Variants in SORCS3 observed in about 807,000 individuals in gnomAD.
SORCS3 encodes sortilin related VPS10 domain containing receptor 3, also known as VPS10 domain-containing receptor SorCS3.
SORCS3 carries 57 observed loss-of-function variants against 146.3 expected under a neutral mutation model. The observed-to-expected ratio is 0.39, with a 90% CI of 0.31 to 0.49. The LOEUF (loss-of-function observed/expected upper bound fraction) is 0.49. SORCS3 is among the 20% of genes least tolerant of loss of function. The pLI, the probability that SORCS3 is intolerant of heterozygous loss-of-function variation, is 0.92. For synonymous variants in SORCS3, 653 were observed against 618.5 expected, an observed-to-expected ratio of 1.06 and a Z score of -0.83; for missense variants, 1,341 against 1,575.5, an observed-to-expected ratio of 0.85 and a Z score of 2.52.
intron 1 of SORCS3, among the ~76,000 whole-genome samples, chr10:104,698,238 C>G (rs1238036223): frequency 6.6e-6 from 1 of 152,120 alleles, no homozygotes; most frequent in Non-Finnish European, 1.5e-5. Flanking sequence ...ATCTGAGAGT[C>G]TGAGTTTAGT....
intron 1 of SORCS3, among the ~76,000 whole-genome samples, chr10:104,816,293 A>G (rs2017797279): frequency 6.6e-6 from 1 of 152,218 alleles, no homozygotes; most frequent in African/African-American, 2.4e-5. Flanking sequence ...GGCATTTCAG[A>G]AATGAGTTAA....
intron 5 of SORCS3, among the ~76,000 whole-genome samples, chr10:105,077,992 T>C (rs994684340): frequency 1.3e-5 from 2 of 152,214 alleles, no homozygotes; most frequent in Non-Finnish European, 2.9e-5. Context: ...TTGAGCTGGA[T>C]GAGATCCCTG....
chr10:104,697,042 A>G (rs574680568), intron 1 of SORCS3, among the ~76,000 whole-genome samples: 7 of 151,898 alleles, frequency 4.6e-5, no homozygotes, highest in African/African-American at 1.2e-4. Flanking sequence ...CTGGGGATCT[A>G]ATGTCCAGCA....
chr10:104,977,552 A>G lies in SORCS3; in HGVS notation c.954+59A>G. ...ATCCAGGTACCACCATGTGAAAATC[A>G]CTTGCTTGCTTAATCCACATTTTGG... On this transcript the variant is annotated intron_variant, in intron 4 of 26. Transcript: ENST00000369701. 2.7e-6 allele frequency: 4 copies of G among 1,471,202 alleles called. No homozygotes were observed. The South Asian group carries it at 5.3e-5, about 20-fold the overall frequency. 91.1% of individuals were successfully genotyped at this position (1,471,202 alleles called of 1,614,324 possible).
At chr10:104,742,358 G>A (rs969214424) in intron 1 of SORCS3, among the ~76,000 whole-genome samples, 31 of 152,226 alleles carry the variant, frequency 2.0e-4, no homozygotes, top group Non-Finnish European at 4.3e-4. Flanking sequence ...TGTGCTGTGT[G>A]GAAGCCAGCG....
chr10:104,780,671 C>T (rs920266062), intron 1 of SORCS3, among the ~76,000 whole-genome samples: 24 of 152,204 alleles, frequency 1.6e-4, no homozygotes, highest in African/African-American at 5.1e-4. Flanking sequence ...GAGATAAGGA[C>T]CATTTCTGCT....
At chr10:105,199,067 G>C (rs1218350086) in intron 14 of SORCS3, among the ~76,000 whole-genome samples, 1 of 152,114 alleles carries the variant, frequency 6.6e-6, no homozygotes, top group African/African-American at 2.4e-5. Context: ...AGGGCTGGTA[G>C]TGTGATTAAG....
In SORCS3 at chr10:105,252,872, A is replaced by C; in HGVS notation, c.3203A>C (p.Glu1068Ala). The C allele has an allele frequency of 6.2e-7, 1 of 1,613,850 alleles. No individual in the cohort carries two copies. Among genetic ancestry groups the C allele is most frequent in the Non-Finnish European group, 8.5e-7 (1 of 1,179,894 alleles). The part of the protein sequence containing the change: ...LFILPPKNLT[E>A]RRKGNEGDLE... ...ATTCTTCCACCCAAGAACCTGACAGAGAGGAGGAAAGGCAATGAAGGGGAC... is the reference window on the plus strand; with the variant it reads ...ATTCTTCCACCCAAGAACCTGACAGCGAGGAGGAAAGGCAATGAAGGGGAC... The change falls in exon 23 of 27, where the codon GAG (glutamate) becomes GCG (alanine). Residue 1068 changes from glutamate to alanine, a missense_variant. Physicochemically the swap from Glu to Ala is moderately radical, Grantham distance 107. Coordinates refer to ENST00000369701, the MANE Select transcript of SORCS3 (RefSeq NM_014978.3).
chr10:104,750,175 G>T (rs1468695867), intron 1 of SORCS3, among the ~76,000 whole-genome samples: 2 of 152,044 alleles, frequency 1.3e-5, no homozygotes, highest in East Asian at 3.9e-4. Context: ...TTATAGAAGG[G>T]GCTACTAAGA....
chr10:105,199,251 A>G (rs2056560999), intron 14 of SORCS3, among the ~76,000 whole-genome samples: 2 of 151,328 alleles, frequency 1.3e-5, no homozygotes, highest in Non-Finnish European at 2.9e-5. Context: ...CCATTTTTCT[A>G]GAAACAATTG....
chr10:105,014,469 T>G (rs2055153761), intron 4 of SORCS3, among the ~76,000 whole-genome samples: 1 of 152,146 alleles, frequency 6.6e-6, no homozygotes, highest in Non-Finnish European at 1.5e-5. Flanking sequence ...ATTAAAAGAT[T>G]CCAAAAATGG....
At position 104,700,290 on chromosome 10, in the gene SORCS3, C is replaced by T. The variant is rs564015400; in HGVS notation, c.627+58336C>T. ...AACTAAAAATCCAGCATGGAAGTAG[C>T]TTCAGTCATGGCTGGAGCCAGAGAG... On this transcript the variant is annotated intron_variant, in intron 1 of 26. Transcript: ENST00000369701. 2.6e-5 allele frequency among the ~76,000 whole-genome samples: 4 copies of T among 152,316 alleles called. No individual in the cohort carries two copies. In the South Asian group the frequency reaches 8.3e-4, roughly 32 times the overall value.
At chr10:104,896,667 G>A (rs2018801954) in intron 2 of SORCS3, among the ~76,000 whole-genome samples, 1 of 152,166 alleles carries the variant, frequency 6.6e-6, no homozygotes, top group African/African-American at 2.4e-5. Flanking sequence ...CTGCTTATGA[G>A]CTAAGAACAG....
At chr10:105,060,629 G>A (rs567564530) in intron 5 of SORCS3, among the ~76,000 whole-genome samples, 14 of 152,106 alleles carry the variant, frequency 9.2e-5, no homozygotes, top group Non-Finnish European at 1.9e-4. Flanking sequence ...TCTAGAAGAT[G>A]TGGTTTGCAA....
intron 4 of SORCS3, among the ~76,000 whole-genome samples, chr10:104,995,137 TTTC>T (rs1275516566): frequency 2.6e-5 from 4 of 151,614 alleles, no homozygotes. Context: ...CTTTTTTCTT[TTTC>T]TTTTCTTTTC....
At chr10:105,089,876 T>A (rs754301334) in intron 6 of SORCS3, 37 bp downstream of exon 6, 1 of 1,536,704 alleles carries the variant, frequency 6.5e-7, no homozygotes, top group Admixed American at 1.7e-5. Flanking sequence ...CCCAGGGAGA[T>A]CTGCCTGCAG....
At chr10:104,769,414 G>A (rs1279891416) in intron 1 of SORCS3, among the ~76,000 whole-genome samples, 2 of 152,172 alleles carry the variant, frequency 1.3e-5, no homozygotes, top group African/African-American at 2.4e-5. Context: ...GGAGATATCC[G>A]GAGGACCACA....
intron 1 of SORCS3, among the ~76,000 whole-genome samples, chr10:104,674,304 T>G (rs868708631): frequency 9.2e-5 from 14 of 152,222 alleles, no homozygotes; most frequent in Non-Finnish European, 1.8e-4. Context: ...ACTCCTCCCC[T>G]GGGGTGTGGA....
At chr10:104,710,647 T>C (rs1383963334) in intron 1 of SORCS3, among the ~76,000 whole-genome samples, 2 of 152,212 alleles carry the variant, frequency 1.3e-5, no homozygotes, top group African/African-American at 2.4e-5. Context: ...ATGAGGTTTA[T>C]GCTCATCTTC....
Sources: allele counts gnomAD v4.1 joint callset (sites outside exome capture counted in the v4.1 genomes callset), GRCh38; gene constraint gnomAD v4.1.1; transcripts MANE v1.5; gene names NCBI Gene and HGNC (gene_info 2026-07-23, HGNC 2026-07-21).